The following SLC8A1 variants were observed in gnomAD, a reference collection of about 807,000 sequenced individuals.
The protein encoded by SLC8A1 is solute carrier family 8 member A1.
SLC8A1 carries 18 observed loss-of-function variants against 68.3 expected under a neutral mutation model. That is an observed-to-expected ratio of 0.26 (90% CI 0.18 to 0.39). The LOEUF (loss-of-function observed/expected upper bound fraction) is 0.39. SLC8A1 is among the 10% of genes least tolerant of loss of function. The pLI, the probability that SLC8A1 is intolerant of heterozygous loss-of-function variation, is 1.00. For synonymous variants in SLC8A1, 475 were observed against 415.5 expected (o/e 1.14, Z -1.74); for missense variants, 985 against 1,156.7 (o/e 0.85, Z 2.15).
chr2:40,463,681 A>G (rs1392588755), intron 1 of SLC8A1, among the ~76,000 whole-genome samples: 1 of 152,122 alleles, frequency 6.6e-6, no homozygotes, highest in African/African-American at 2.4e-5. Flanking sequence ...AATTGCCACA[A>G]TGACCAGAAT....
chr2:40,349,528 C>T (rs1670396728), intron 2 of SLC8A1, among the ~76,000 whole-genome samples: 1 of 152,170 alleles, frequency 6.6e-6, no homozygotes, highest in African/African-American at 2.4e-5. Flanking sequence ...GGGTAAGTTC[C>T]TCTCTGCACC....
exon 8 of SLC8A1, chr2:40,105,268 AG>A (rs751595407): frequency 7.2e-5 from 11 of 152,206 alleles, no homozygotes; most frequent in Non-Finnish European, 1.3e-4. Flanking sequence ...TCTGTAACCC[AG>A]CAGCCTCTGC....
chr2:40,302,053 G>GTGTGTA (rs2071571024), intron 2 of SLC8A1, among the ~76,000 whole-genome samples: 1 of 151,184 alleles, frequency 6.6e-6, no homozygotes, highest in East Asian at 2.0e-4. Context: ...GTGTGTGTGT[G>GTGTGTA]TGTGTGTGTG....
intron 2 of SLC8A1, among the ~76,000 whole-genome samples, chr2:40,331,199 T>C (rs1185642734): frequency 6.6e-6 from 1 of 152,246 alleles, no homozygotes; most frequent in Non-Finnish European, 1.5e-5. Flanking sequence ...TATAGTGTGC[T>C]AAGCTTAGTG....
At chr2:40,485,118 AGAG>A (rs1704875243) in intron 1 of SLC8A1, among the ~76,000 whole-genome samples, 1 of 152,076 alleles carries the variant, frequency 6.6e-6, no homozygotes, top group African/African-American at 2.4e-5. Context: ...TAGCAAAAAT[AGAG>A]GAGGAGGAGT....
chr2:40,385,922 T>C (rs1683404786), intron 2 of SLC8A1, among the ~76,000 whole-genome samples: 1 of 151,196 alleles, frequency 6.6e-6, no homozygotes, highest in Non-Finnish European at 1.5e-5. Flanking sequence ...ACTACAAAGA[T>C]TTGAGAGGTA....
At chr2:40,159,448 C>A (rs2045259894) in intron 6 of SLC8A1, among the ~76,000 whole-genome samples, 3 of 152,214 alleles carry the variant, frequency 2.0e-5, no homozygotes, top group South Asian at 2.1e-4. Flanking sequence ...GCTTAGGATG[C>A]TTTTAATGTT....
At position 40,324,165 on chromosome 2, in the gene SLC8A1, T is replaced by C. The variant is rs144422196; in HGVS notation, c.1808+104308A>G. Among the ~76,000 whole-genome samples, 30 of 152,112 alleles carry C rather than the reference T, an allele frequency of 2.0e-4. 1 individual carries two copies. In the East Asian group the frequency reaches 3.9e-3, roughly 20 times the overall value. ...ATATTCTAAACAGAAATCCACGAGA[T>C]TGAAATATGATGAGGTAAAAGGAAT... On this transcript the variant is annotated intron_variant, in intron 2 of 7. Coordinates refer to ENST00000406785, the Ensembl canonical transcript of SLC8A1.
chr2:40,227,057 T>C (rs2059072052), intron 2 of SLC8A1, among the ~76,000 whole-genome samples: 1 of 152,064 alleles, frequency 6.6e-6, no homozygotes, highest in Non-Finnish European at 1.5e-5. Flanking sequence ...CAGTAATACT[T>C]CCAGACCCTC....
intron 2 of SLC8A1, among the ~76,000 whole-genome samples, chr2:40,404,981 T>A (rs1689874858): frequency 6.6e-6 from 1 of 152,176 alleles, no homozygotes; most frequent in Admixed American, 6.6e-5. Context: ...TATCCAGAAG[T>A]GGATTTATAA....
At chr2:40,370,802 T>TA (rs1276651540) in intron 2 of SLC8A1, among the ~76,000 whole-genome samples, 2 of 152,098 alleles carry the variant, frequency 1.3e-5, no homozygotes, top group African/African-American at 4.8e-5. Context: ...GCATTACTAA[T>TA]ACTGTATTAC....
chr2:40,344,312 C>T (rs373964783), intron 2 of SLC8A1, among the ~76,000 whole-genome samples: 2 of 152,068 alleles, frequency 1.3e-5, no homozygotes, highest in African/African-American at 4.8e-5. Context: ...TTGCATGATT[C>T]TTTTAAGGTG....
intron 1 of SLC8A1, among the ~76,000 whole-genome samples, chr2:40,440,217 T>C (rs1222084749): frequency 2.6e-5 from 4 of 152,150 alleles, no homozygotes; most frequent in Non-Finnish European, 5.9e-5. Flanking sequence ...TTAAGTGGTA[T>C]GGTTTTAACG....
intron 6 of SLC8A1, among the ~76,000 whole-genome samples, chr2:40,146,110 C>T (rs1290659219): frequency 6.6e-6 from 1 of 152,158 alleles, no homozygotes; most frequent in Admixed American, 6.5e-5. Flanking sequence ...TTCCTATCAA[C>T]GATAGCTCAG....
chr2:40,313,642 A>G (rs1243981959), intron 2 of SLC8A1, among the ~76,000 whole-genome samples: 2 of 151,918 alleles, frequency 1.3e-5, no homozygotes. Context: ...GGTTCAAGCG[A>G]ACCTCCCACC....
chr2:40,492,339 T>C (rs1404482176), intron 1 of SLC8A1, among the ~76,000 whole-genome samples: 2 of 152,020 alleles, frequency 1.3e-5, no homozygotes, highest in African/African-American at 2.4e-5. Context: ...ATACAAAAAT[T>C]AACTCAAGAT....
At chr2:40,161,108 T>G (rs1174552152) in intron 5 of SLC8A1, among the ~76,000 whole-genome samples, 2 of 152,176 alleles carry the variant, frequency 1.3e-5, no homozygotes, top group African/African-American at 4.8e-5. Context: ...TAATGAAGAA[T>G]AGCCTCAGTG....
At chr2:40,124,384 T>C (rs1345616763) in intron 7 of SLC8A1, among the ~76,000 whole-genome samples, 2 of 152,192 alleles carry the variant, frequency 1.3e-5, no homozygotes, top group Non-Finnish European at 2.9e-5. Flanking sequence ...GTATTATCAG[T>C]TCACAAAAAT....
At chr2:40,495,710 A>G (rs1336145904) in intron 1 of SLC8A1, among the ~76,000 whole-genome samples, 1 of 152,054 alleles carries the variant, frequency 6.6e-6, no homozygotes, top group Non-Finnish European at 1.5e-5. Flanking sequence ...TACAGGAAAA[A>G]CAGAGGTATG....
Sources: gnomAD v4.1 joint callset for allele counts (sites outside exome capture counted in the v4.1 genomes callset) on GRCh38, gnomAD v4.1.1 for gene constraint, MANE v1.5 for transcripts, NCBI Gene and HGNC (gene_info 2026-07-23, HGNC 2026-07-21) for gene names.